The following TEX10 variants were observed in gnomAD, a reference collection of about 807,000 sequenced individuals.
TEX10 encodes testis-expressed protein 10.
A neutral mutation model predicts 104.4 loss-of-function variants in TEX10; 24 were observed. That is an observed-to-expected ratio of 0.23 (90% confidence interval 0.17 to 0.32). The LOEUF (loss-of-function observed/expected upper bound fraction) is 0.32, where lower values mean the gene tolerates loss of function less well. Among genes scored for constraint, TEX10 ranks in the 10% least tolerant of loss-of-function variants. The pLI, the probability that TEX10 is intolerant of heterozygous loss-of-function variation, is 1.00. For missense variants in TEX10, 921 were observed against 1,083.9 expected, an observed-to-expected ratio of 0.85 and a Z score of 2.11; for synonymous variants, 396 against 393.4, an observed-to-expected ratio of 1.01 and a Z score of -0.08.
chr9:100,339,245 C>CAAAAAAAAAAAA (rs1182764934), intron 5 of TEX10, among the ~76,000 whole-genome samples: 4 of 29,410 alleles, frequency 1.4e-4, no homozygotes, highest in African/African-American at 4.9e-4. Context: ...GACTCCATCT[C>CAAAAAAAAAAAA]AAAAAAAAAA....
At chr9:100,328,403 T>C (rs949615520) in intron 7 of TEX10, among the ~76,000 whole-genome samples, 2 of 152,228 alleles carry the variant, frequency 1.3e-5, no homozygotes, top group African/African-American at 4.8e-5. Flanking sequence ...CTGGTGATTC[T>C]ATCATGGACT....
intron 5 of TEX10, among the ~76,000 whole-genome samples, chr9:100,331,564 CAT>C (rs1834863536): frequency 6.6e-6 from 1 of 152,142 alleles, no homozygotes; most frequent in Non-Finnish European, 1.5e-5. Context: ...ACCACAAATA[CAT>C]GAGAAGGGAA....
chr9:100,312,444 C>T (rs1834304679), intron 11 of TEX10, among the ~76,000 whole-genome samples: 2 of 152,258 alleles, frequency 1.3e-5, no homozygotes, highest in Admixed American at 1.3e-4. Context: ...AGGTTTCTAT[C>T]AGAGAAAGCA....
At position 100,346,966 on chromosome 9, in the gene TEX10, G is replaced by A; in HGVS notation, c.621C>T (p.Ser207=). Residue 207 remains serine (S), a synonymous_variant, in exon 3 of 15, where the codon TCC becomes TCT. Coordinates refer to ENST00000374902, the MANE Select transcript of TEX10 (RefSeq NM_017746.4). Reference sequence around the variant, plus strand: ...GATTAGGATTTACAGAAAGTATCCAGGACTGGGATCTGTCTCTATTTATCA... The same window carrying A: ...GATTAGGATTTACAGAAAGTATCCAAGACTGGGATCTGTCTCTATTTATCA... ...KGLINRDRSQ[S]WILSVNPNRR... 1 of 1,614,204 alleles carries A rather than the reference G, an allele frequency of 6.2e-7. No individual in the cohort carries two copies. Among genetic ancestry groups the A allele is most frequent in the Non-Finnish European group, 8.5e-7 (1 of 1,180,036 alleles).
At chr9:100,338,753 G>A (rs750992966) in intron 5 of TEX10, among the ~76,000 whole-genome samples, 3 of 151,996 alleles carry the variant, frequency 2.0e-5, no homozygotes, top group East Asian at 1.9e-4. Context: ...TTAGCCAGGC[G>A]TGGTGGTGCA....
At chr9:100,341,070 G>C (rs1017586874) in intron 4 of TEX10, among the ~76,000 whole-genome samples, 1 of 151,990 alleles carries the variant, frequency 6.6e-6, no homozygotes, top group East Asian at 1.9e-4. Context: ...AGATTGAAGC[G>C]ATTCTCATGC....
chr9:100,310,594 C>T (rs902460762), intron 11 of TEX10, among the ~76,000 whole-genome samples: 6 of 152,020 alleles, frequency 3.9e-5, no homozygotes, highest in African/African-American at 1.4e-4. Context: ...CACACCACCA[C>T]GCCTGGCTAA....
intron 6 of TEX10, 143 bp downstream of exon 6, chr9:100,329,788 G>A (rs1332382052): frequency 4.1e-6 from 3 of 733,018 alleles, no homozygotes; most frequent in East Asian, 4.9e-5. Flanking sequence ...CAGTGTTCAA[G>A]TAGACAGTAG....
chr9:100,317,635 G>T (rs919312580), intron 11 of TEX10, among the ~76,000 whole-genome samples: 3 of 151,952 alleles, frequency 2.0e-5, no homozygotes, highest in African/African-American at 7.3e-5. Flanking sequence ...TAGACAAATA[G>T]GACTTCATTA....
At chr9:100,312,702 A>G (rs557984529) in intron 11 of TEX10, among the ~76,000 whole-genome samples, 22 of 152,346 alleles carry the variant, frequency 1.4e-4, no homozygotes, top group Admixed American at 1.3e-3. Flanking sequence ...GTATCATACC[A>G]AGAAAGTTAC....
At chr9:100,337,240 G>A (rs1266465791) in intron 5 of TEX10, among the ~76,000 whole-genome samples, 1 of 152,154 alleles carries the variant, frequency 6.6e-6, no homozygotes, top group Admixed American at 6.5e-5. Flanking sequence ...ACCATGAAAT[G>A]CTCAGCAACT....
intron 10 of TEX10, 30 bp from the exon 11 acceptor site, chr9:100,320,428 AAAAAAACAAAAAAC>A (rs777766835): frequency 6.4e-7 from 1 of 1,556,048 alleles, no homozygotes; most frequent in Admixed American, 2.0e-5. Context: ...AAGCCAATTT[AAAAAAACAAAAAAC>A]AAAAAACAAT....
At chr9:100,349,397 A>T (rs1480976657) in intron 1 of TEX10, 25 bp from the exon 2 acceptor site, 5 of 1,461,060 alleles carry the variant, frequency 3.4e-6, no homozygotes, top group African/African-American at 1.4e-5. Context: ...ATTAATTAAA[A>T]GCAATGGATA....
At chr9:100,335,907 G>A (rs1282168656) in intron 5 of TEX10, among the ~76,000 whole-genome samples, 1 of 152,010 alleles carries the variant, frequency 6.6e-6, no homozygotes, top group Non-Finnish European at 1.5e-5. Context: ...ATTTTAAAAT[G>A]TAGGTATCAG....
rs879812518 is a variant in TEX10 at position 100,340,973 on chromosome 9, G to GT, written c.1138-605dup. ...GCTGGTCACCCTACAGCTCAATTTGGTTTTTTTTTTTGAGATGAAGTCTCG... is the reference window on the plus strand; with the variant it reads ...GCTGGTCACCCTACAGCTCAATTTGGTTTTTTTTTTTTGAGATGAAGTCTCG... On this transcript the variant is annotated intron_variant, in intron 4 of 14. Coordinates refer to ENST00000374902, the MANE Select transcript of TEX10 (RefSeq NM_017746.4). 4.2e-3 allele frequency among the ~76,000 whole-genome samples: 614 copies of GT among 146,532 alleles called. 2 individuals carry two copies. The highest frequency in any genetic ancestry group is 0.011 in the African/African-American group (434 of 40,216).
intron 14 of TEX10, among the ~76,000 whole-genome samples, chr9:100,303,337 ACT>A (rs962410456): frequency 1.3e-5 from 2 of 151,804 alleles, no homozygotes; most frequent in South Asian, 2.1e-4. Context: ...GGTAGGAATG[ACT>A]CTGATGCCCT....
chr9:100,352,699 G>A, intron 1 of TEX10, 73 bp downstream of exon 1: 1 of 1,307,118 alleles, frequency 7.7e-7, no homozygotes, highest in Non-Finnish European at 9.7e-7. Context: ...GCCGCGGATC[G>A]GGGGGCGACG....
chr9:100,339,274 A>AAT (rs1835101688), intron 5 of TEX10, among the ~76,000 whole-genome samples: 6 of 91,692 alleles, frequency 6.5e-5, no homozygotes, highest in Non-Finnish European at 1.3e-4. Flanking sequence ...AAAAAAAAAA[A>AAT]GTATATATAT....
chr9:100,309,552 G>T (rs1834222178), intron 12 of TEX10, among the ~76,000 whole-genome samples: 1 of 152,138 alleles, frequency 6.6e-6, no homozygotes, highest in African/African-American at 2.4e-5. Context: ...GATGGCACAG[G>T]GATAAGGACT....
Sources: gnomAD v4.1 joint callset for allele counts (sites outside exome capture counted in the v4.1 genomes callset) on GRCh38, gnomAD v4.1.1 for gene constraint, MANE v1.5 for transcripts, NCBI Gene and HGNC (gene_info 2026-07-23, HGNC 2026-07-21) for gene names.